Variants in CNTN4 observed in about 807,000 individuals in gnomAD.
The protein encoded by CNTN4 is contactin 4.
In CNTN4, 77 loss-of-function variants were observed where a neutral mutation model predicts 122.5. That is an observed-to-expected ratio of 0.63 (90% confidence interval 0.52 to 0.76). CNTN4 has a LOEUF of 0.76. Ranked by LOEUF, CNTN4 falls within the 30% of genes least tolerant of loss-of-function variation. The probability of loss-of-function intolerance (pLI) is 0.00; values close to 1 mark genes in which losing one functional copy is unlikely to be tolerated. For synonymous variants in CNTN4, 512 were observed against 447.0 expected (o/e 1.15, Z -1.83); for missense variants, 1,256 against 1,259.1 (o/e 1.00, Z 0.04).
intron 3 of CNTN4, among the ~76,000 whole-genome samples, chr3:2,370,743 T>C (rs901486183): frequency 6.6e-6 from 1 of 152,206 alleles, no homozygotes; most frequent in Non-Finnish European, 1.5e-5. Context: ...ATTTTTATTA[T>C]AGATCCAAAA....
intron 2 of CNTN4, among the ~76,000 whole-genome samples, chr3:2,156,490 G>T (rs12715010): frequency 0.18 from 27,371 of 152,196 alleles, 2,515 homozygotes; most frequent in South Asian, 0.21. Flanking sequence ...CCACTCCCTG[G>T]TGTGGATGTC....
intron 3 of CNTN4, among the ~76,000 whole-genome samples, chr3:2,570,602 T>G (rs1461868593): frequency 6.6e-6 from 1 of 152,192 alleles, no homozygotes; most frequent in Non-Finnish European, 1.5e-5. Flanking sequence ...GTGTTCCACA[T>G]TACCCATCTG....
At chr3:2,667,640 G>T (rs2084250482) in intron 4 of CNTN4, among the ~76,000 whole-genome samples, 2 of 144,504 alleles carry the variant, frequency 1.4e-5, no homozygotes, top group Admixed American at 7.0e-5. Flanking sequence ...CATTGCTTTT[G>T]GTGTTTTAGA....
At chr3:2,376,255 C>T (rs3856840) in intron 3 of CNTN4, among the ~76,000 whole-genome samples, 108,751 of 152,052 alleles carry the variant, frequency 0.72, 39,629 homozygotes, top group East Asian at 0.85. Flanking sequence ...CAGTTTCTAT[C>T]GAACTATTTA....
chr3:2,920,602 T>C (rs926082837), intron 12 of CNTN4, among the ~76,000 whole-genome samples: 2 of 152,162 alleles, frequency 1.3e-5, no homozygotes, highest in African/African-American at 4.8e-5. Context: ...CAATGATGTG[T>C]TTCTCGGACT....
At chr3:2,472,130 GCAA>G (rs1394718786) in intron 3 of CNTN4, among the ~76,000 whole-genome samples, 1 of 146,196 alleles carries the variant, frequency 6.8e-6, no homozygotes, top group Non-Finnish European at 1.5e-5. Context: ...CAGGAGAATT[GCAA>G]CAAGAGCGAA....
intron 6 of CNTN4, among the ~76,000 whole-genome samples, chr3:2,774,802 T>C (rs1018527312): frequency 6.6e-6 from 1 of 152,226 alleles, no homozygotes; most frequent in African/African-American, 2.4e-5. Flanking sequence ...TTTCAAGATG[T>C]TTATTTAATA....
Position 2,745,506 on chromosome 3 carries a change from C to T in CNTN4, c.183-16C>T, listed in dbSNP as rs2089702897. 4 of 1,603,096 alleles carry T rather than the reference C, an allele frequency of 2.5e-6. No homozygotes were observed. The African/African-American group carries it at 4.0e-5, about 16-fold the overall frequency. On this transcript the variant is annotated splice_polypyrimidine_tract_variant and intron_variant, in intron 5 of 24. Transcript: ENST00000418658. ...AATATGACAAGACTTTATCTACTGG[C>T]ATTTTTATACTATAGGTGGAAGTTA...
In CNTN4 at chr3:3,007,294, G is replaced by A. The variant is rs148897336; in HGVS notation, c.1487-18808G>A. 8.9e-3 allele frequency among the ~76,000 whole-genome samples: 1,354 copies of A among 152,278 alleles called. 23 individuals are homozygous for A. The highest frequency in any genetic ancestry group is 0.031 in the African/African-American group (1,275 of 41,538). On this transcript the variant is annotated intron_variant, in intron 14 of 24. Coordinates refer to ENST00000418658, the MANE Select transcript of CNTN4 (RefSeq NM_175607.3). The stretch of plus-strand genomic sequence containing the variant: ...TGTTTTCTGAAGGATGGTGGTGTGA[G>A]CACTGGAGTCTGTGATTGATTTCTG...
At chr3:2,378,661 G>A (rs1426783417) in intron 3 of CNTN4, among the ~76,000 whole-genome samples, 1 of 151,958 alleles carries the variant, frequency 6.6e-6, no homozygotes, top group East Asian at 1.9e-4. Flanking sequence ...TAATTAATTT[G>A]TGTCTCTCAT....
chr3:3,006,149 T>G (rs1159355639), intron 14 of CNTN4, among the ~76,000 whole-genome samples: 1 of 152,160 alleles, frequency 6.6e-6, no homozygotes. Flanking sequence ...GTGCTGGGAT[T>G]ACAGGCATGA....
intron 13 of CNTN4, among the ~76,000 whole-genome samples, chr3:2,951,011 T>G (rs2094736406): frequency 6.6e-6 from 1 of 152,242 alleles, no homozygotes; most frequent in Non-Finnish European, 1.5e-5. Flanking sequence ...GGCAGGTTAC[T>G]TAATCTCTCG....
At chr3:2,720,952 G>T (rs961426767) in intron 4 of CNTN4, among the ~76,000 whole-genome samples, 3 of 152,028 alleles carry the variant, frequency 2.0e-5, no homozygotes, top group African/African-American at 7.2e-5. Flanking sequence ...ATAGCTTATA[G>T]ACATTAGCAT....
At chr3:2,893,147 T>C (rs1419396105) in intron 10 of CNTN4, among the ~76,000 whole-genome samples, 1 of 152,206 alleles carries the variant, frequency 6.6e-6, no homozygotes, top group Non-Finnish European at 1.5e-5. Flanking sequence ...AAAACCCTTT[T>C]TTTCTTCTTC....
chr3:2,280,400 G>A (rs1243979919), intron 2 of CNTN4, among the ~76,000 whole-genome samples: 4 of 151,744 alleles, frequency 2.6e-5, no homozygotes, highest in Admixed American at 2.6e-4. Context: ...TCCCTTTTTT[G>A]TTTCTTATTT....
chr3:2,677,518 C>CTATCTA (rs1231723781), intron 4 of CNTN4, among the ~76,000 whole-genome samples: 1 of 145,036 alleles, frequency 6.9e-6, no homozygotes, highest in African/African-American at 2.6e-5. Context: ...ATCTATCTAT[C>CTATCTA]TATCTGTAGA....
At chr3:3,034,859 G>A in intron 17 of CNTN4, 69 bp downstream of exon 17, 1 of 1,513,144 alleles carries the variant, frequency 6.6e-7, no homozygotes, top group Non-Finnish European at 9.2e-7. Flanking sequence ...CTGTGGCAAG[G>A]AACGTCTAAG....
At chr3:2,537,619 C>T (rs955265980) in intron 3 of CNTN4, among the ~76,000 whole-genome samples, 35 of 152,084 alleles carry the variant, frequency 2.3e-4, no homozygotes, top group African/African-American at 8.2e-4. Flanking sequence ...GGGAACTTGA[C>T]ATTTCATGAC....
chr3:2,376,882 G>A (rs1425202801), intron 3 of CNTN4, among the ~76,000 whole-genome samples: 1 of 151,998 alleles, frequency 6.6e-6, no homozygotes, highest in African/African-American at 2.4e-5. Flanking sequence ...GCTCAGCAGG[G>A]CGCGGTGGCT....
Sources: gnomAD v4.1 joint callset for allele counts (sites outside exome capture counted in the v4.1 genomes callset) on GRCh38, gnomAD v4.1.1 for gene constraint, MANE v1.5 for transcripts, NCBI Gene and HGNC (gene_info 2026-07-23, HGNC 2026-07-21) for gene names.